SCGB1A1: variants seen among roughly 807,000 people sequenced by gnomAD.
SCGB1A1 encodes the protein uteroglobin.
A neutral mutation model predicts 7.5 loss-of-function variants in SCGB1A1; 8 were observed. That is an observed-to-expected ratio of 1.07 (90% CI 0.63 to 1.92). The LOEUF (loss-of-function observed/expected upper bound fraction) is 1.92, where lower values mean the gene tolerates loss of function less well. SCGB1A1 is among the 30% of genes most tolerant of loss of function. SCGB1A1 has a pLI of 0.00. For synonymous variants in SCGB1A1, 44 were observed against 40.8 expected, an observed-to-expected ratio of 1.08 and a Z score of -0.30; for missense variants, 121 against 112.7, an observed-to-expected ratio of 1.07 and a Z score of -0.33.
chr11:62,421,583 C>G (rs1445565952), intron 1 of SCGB1A1, among the ~76,000 whole-genome samples: 1 of 152,068 alleles, frequency 6.6e-6, no homozygotes, highest in Non-Finnish European at 1.5e-5. Flanking sequence ...GAGATCTCAG[C>G]TCACTGCAAC....
intron 2 of SCGB1A1, 137 bp downstream of exon 2, chr11:62,422,545 G>A: frequency 2.1e-6 from 1 of 480,496 alleles, no homozygotes; most frequent in East Asian, 3.9e-5. Flanking sequence ...AGGCAGCACA[G>A]TGATCTTTCT....
intron 1 of SCGB1A1, 56 bp downstream of exon 1, chr11:62,419,206 C>G: frequency 7.6e-7 from 1 of 1,317,980 alleles, no homozygotes; most frequent in Non-Finnish European, 1.0e-6. Flanking sequence ...TCAGGACCCC[C>G]CAGTTCTGCT....
Position 62,422,272 on chromosome 11 carries a change from T to C in SCGB1A1, c.107T>C (p.Met36Thr). The change falls in exon 2 of 3, where the codon ATG (methionine) becomes ACG (threonine). Residue 36 changes from methionine to threonine, a missense_variant. Transcript: ENST00000278282. ...SFQRVIETLL[M>T]DTPSSYEAAM... ...CAGCGTGTCATCGAAACCCTCCTCA[T>C]GGACACACCCTCCAGTTATGAGGCT... 1 of 1,613,986 alleles carries C rather than the reference T, an allele frequency of 6.2e-7. No homozygotes were observed. Among genetic ancestry groups the C allele is most frequent in the Non-Finnish European group, 8.5e-7 (1 of 1,179,930 alleles).
intron 2 of SCGB1A1, among the ~76,000 whole-genome samples, chr11:62,422,694 C>A (rs992545380): frequency 4.0e-5 from 6 of 151,738 alleles, no homozygotes; most frequent in African/African-American, 1.5e-4. Flanking sequence ...CCGGCCTCAG[C>A]CTCTTGAGTA....
In SCGB1A1 at chr11:62,422,414, C is replaced by A; in HGVS notation, c.243+6C>A. ...AAAGCATCATTAAGCTCATGGTAAC[C>A]AGCACCTTTCACGTCACACTGGTTA... On this transcript the variant is annotated splice_donor_region_variant and intron_variant, in intron 2 of 2. Transcript: ENST00000278282. The A allele has an allele frequency of 6.2e-7, 1 of 1,602,804 alleles. No homozygotes were observed. Among genetic ancestry groups the A allele is most frequent in the Non-Finnish European group, 8.5e-7 (1 of 1,171,984 alleles).
chr11:62,422,141 A>C, intron 1 of SCGB1A1, 80 bp from the exon 2 acceptor site: 2 of 1,254,564 alleles, frequency 1.6e-6, no homozygotes, highest in Non-Finnish European at 2.2e-6. Flanking sequence ...GGCTGTTTGC[A>C]TCTGGGCAGA....
rs41478545 is a variant in SCGB1A1 at position 62,422,426 on chromosome 11, C to A, written c.243+18C>A. 2.1e-3 allele frequency: 3,305 copies of A among 1,592,250 alleles called. 77 individuals are homozygous for A. In the African/African-American group the frequency reaches 0.039, roughly 19 times the overall value. On this transcript the variant is annotated intron_variant, in intron 2 of 2. Coordinates refer to ENST00000278282, the MANE Select transcript of SCGB1A1 (RefSeq NM_003357.5). ...AGCTCATGGTAACCAGCACCTTTCA[C>A]GTCACACTGGTTAGAAGTGGCTTCC...
rs1364228087 is a variant in SCGB1A1 at position 62,422,530 on chromosome 11, C to T, written c.243+122C>T. 16 of 730,828 alleles carry T rather than the reference C, an allele frequency of 2.2e-5. No homozygotes were observed. In the East Asian group the frequency reaches 4.3e-4, roughly 20 times the overall value. 45.3% of individuals were successfully genotyped at this position (730,828 alleles called of 1,614,324 possible). ...AGGAGAGTCACAGTGCCACTGTCCC[C>T]AGGCAGGCAGCACAGTGATCTTTCT... On this transcript the variant is annotated intron_variant, in intron 2 of 2. Transcript: ENST00000278282.
intron 1 of SCGB1A1, among the ~76,000 whole-genome samples, chr11:62,420,529 G>T (rs1384254453): frequency 2.7e-5 from 4 of 150,894 alleles, no homozygotes; most frequent in East Asian, 2.0e-4. Flanking sequence ...GGCCAGGATG[G>T]TCTCCATCTC....
In SCGB1A1 at chr11:62,419,033, A is replaced by ATAC. The variant is rs1173238884; in HGVS notation, c.-60_-58dup. On this transcript the variant is annotated 5_prime_UTR_variant, in exon 1 of 3. Transcript: ENST00000278282. ...AAAGGCACCTTGCTGGGCATGTCTC[A>ATAC]TACTAGCCCACCAGACTCAGAGACG... 6.8e-7 allele frequency: 1 copy of ATAC among 1,471,840 alleles called. No individual in the cohort carries two copies. Among genetic ancestry groups the ATAC allele is most frequent in the Non-Finnish European group, 9.2e-7 (1 of 1,086,146 alleles). The allele number at this position is 1,471,840 out of a possible 1,614,324, so 91.2% of individuals were successfully genotyped here.
At chr11:62,422,475 C>T in intron 2 of SCGB1A1, 67 bp downstream of exon 2, 1 of 1,434,098 alleles carries the variant, frequency 7.0e-7, no homozygotes, top group African/African-American at 1.4e-5. Context: ...CAGGATTGCC[C>T]CAGTTTTCAG....
intron 1 of SCGB1A1, 90 bp from the exon 2 acceptor site, chr11:62,422,130 TG>T: frequency 9.5e-7 from 1 of 1,051,962 alleles, no homozygotes; most frequent in Non-Finnish European, 1.4e-6. Context: ...CTGATGGGCC[TG>T]GCTGTTTGCA....
At chr11:62,422,523 C>A in intron 2 of SCGB1A1, 115 bp downstream of exon 2, 1 of 797,194 alleles carries the variant, frequency 1.3e-6, no homozygotes, top group Non-Finnish European at 2.0e-6. Context: ...CACAGTGCCA[C>A]TGTCCCCAGG....
Position 62,422,395 on chromosome 11 carries a change from T to C in SCGB1A1, c.230T>C (p.Ile77Thr). Residue 77 changes from isoleucine (I) to threonine (T), a missense_variant, in exon 2 of 3, where the codon ATC (isoleucine) becomes ACC (threonine). By Grantham distance (89) the Ile-to-Thr change is moderately conservative. Transcript: ENST00000278282. Reference protein sequence around the residue: ...DTLPQKPRESIIKLMEKIAQS... With the variant: ...DTLPQKPRESTIKLMEKIAQS... ...CTCCCCCAAAAGCCCAGAGAAAGCA[T>C]CATTAAGCTCATGGTAACCAGCACC... is the stretch of plus-strand genomic sequence containing the variant. The C allele has an allele frequency of 6.2e-7, 1 of 1,612,828 alleles. No homozygotes were observed. The highest frequency in any genetic ancestry group is 8.5e-7 in the Non-Finnish European group (1 of 1,179,260).
At chr11:62,419,555 G>A (rs112664306) in intron 1 of SCGB1A1, among the ~76,000 whole-genome samples, 1,779 of 152,280 alleles carry the variant, frequency 0.012, 16 homozygotes, top group Non-Finnish European at 0.019. Context: ...CTCCATGCTG[G>A]CAGCTGAAGT....
At chr11:62,422,571 CTTTTT>C (rs35723955) in intron 2 of SCGB1A1, among the ~76,000 whole-genome samples, 163 bp downstream of exon 2, 2 of 112,410 alleles carry the variant, frequency 1.8e-5, no homozygotes, top group Non-Finnish European at 3.6e-5. Context: ...TCTCCTCTTC[CTTTTT>C]TTTTTTTTTT....
At chr11:62,422,105 G>C (rs1346578383) in intron 1 of SCGB1A1, 116 bp from the exon 2 acceptor site, 5 of 753,332 alleles carry the variant, frequency 6.6e-6, no homozygotes, top group Non-Finnish European at 1.1e-5. Flanking sequence ...TCGATGAAAA[G>C]GCTGCTATCT....
At chr11:62,420,907 C>A (rs1322004052) in intron 1 of SCGB1A1, among the ~76,000 whole-genome samples, 1 of 150,828 alleles carries the variant, frequency 6.6e-6, no homozygotes, top group Non-Finnish European at 1.5e-5. Flanking sequence ...TGCACTCCAG[C>A]CTGGGCAATA....
rs1937806486 is a variant in SCGB1A1, at chr11:62,421,998, T to A, written c.56-223T>A. On this transcript the variant is annotated intron_variant, in intron 1 of 2. Transcript: ENST00000278282. The stretch of plus-strand genomic sequence containing the variant: ...CAGCTTCTATGATCAATACTCTGCC[T>A]TGATCTCCAACAGAAAGAAAAACGG... 2.3e-5 allele frequency: 9 copies of A among 393,468 alleles called. No homozygotes were observed. The East Asian group carries it at 3.4e-4, about 15-fold the overall frequency. 24.4% of individuals were successfully genotyped at this position (393,468 alleles called of 1,614,324 possible). A position where few individuals can be genotyped will look rare whatever the true frequency, so the allele number is the denominator to read the frequency against.
Sources: gnomAD v4.1 joint callset for allele counts (sites outside exome capture counted in the v4.1 genomes callset) on GRCh38, gnomAD v4.1.1 for gene constraint, MANE v1.5 for transcripts, NCBI Gene and HGNC (gene_info 2026-07-23, HGNC 2026-07-21) for gene names.